WDPCP: variants seen among roughly 807,000 people sequenced by gnomAD.
The protein encoded by WDPCP is WD repeat containing planar cell polarity effector, also known as WD repeat-containing and planar cell polarity effector protein fritz homolog.
Under a neutral mutation model 93.1 loss-of-function variants are expected in WDPCP, and 71 were observed. The observed-to-expected ratio is 0.76, with a 90% CI of 0.63 to 0.93. WDPCP has a LOEUF of 0.93. WDPCP is among the 40% of genes least tolerant of loss of function. The probability of loss-of-function intolerance (pLI) is 0.00; values close to 1 mark genes in which losing one functional copy is unlikely to be tolerated. For synonymous variants in WDPCP, 315 were observed against 315.0 expected (o/e 1.00, Z 0.00); for missense variants, 844 against 887.4 (o/e 0.95, Z 0.62).
chr2:63,674,500 G>C (rs1406260918), intron 2 of WDPCP, among the ~76,000 whole-genome samples: 1 of 152,172 alleles, frequency 6.6e-6, no homozygotes, highest in African/African-American at 2.4e-5. Context: ...AAAATAGTCA[G>C]ACTCATAAGA....
chr2:63,511,953 G>A (rs1354963619), intron 1 of WDPCP, among the ~76,000 whole-genome samples: 2 of 152,160 alleles, frequency 1.3e-5, no homozygotes, highest in African/African-American at 4.8e-5. Flanking sequence ...TCATCAGAGT[G>A]AACAGGCAAC....
At chr2:63,745,649 C>G (rs1669783806) in intron 2 of WDPCP, among the ~76,000 whole-genome samples, 1 of 151,704 alleles carries the variant, frequency 6.6e-6, no homozygotes, top group South Asian at 2.1e-4. Flanking sequence ...CACTTACACA[C>G]ACACACACAC....
intron 2 of WDPCP, among the ~76,000 whole-genome samples, chr2:63,800,793 C>T (rs1670683194): frequency 6.6e-6 from 1 of 152,206 alleles, no homozygotes; most frequent in Admixed American, 6.5e-5. Context: ...TGGCTCACGC[C>T]TGTAATCCAA....
the WDPCP span, among the ~76,000 whole-genome samples, chr2:63,833,585 A>G: frequency 6.6e-6 from 1 of 152,206 alleles, no homozygotes; most frequent in East Asian, 1.9e-4. Flanking sequence ...CAGTGTTTAC[A>G]GTTTCAGAGA....
chr2:63,210,878 C>A (rs763193356), intron 14 of WDPCP, among the ~76,000 whole-genome samples: 1 of 152,314 alleles, frequency 6.6e-6, no homozygotes, highest in South Asian at 2.1e-4. Flanking sequence ...AGTCTGAGAT[C>A]AAACTGCAAG....
chr2:63,206,488 AC>A (rs1676341500), intron 14 of WDPCP, among the ~76,000 whole-genome samples: 1 of 151,708 alleles, frequency 6.6e-6, no homozygotes, highest in Non-Finnish European at 1.5e-5. Context: ...ACACAGTCTC[AC>A]TCTGTCATCC....
intron 12 of WDPCP, among the ~76,000 whole-genome samples, chr2:63,314,075 C>T (rs1686435045): frequency 6.6e-6 from 1 of 150,454 alleles, no homozygotes; most frequent in Non-Finnish European, 1.5e-5. Context: ...GATGGTGATT[C>T]ACCATATTGG....
At chr2:63,811,465 T>C (rs1205983451) in intron 2 of WDPCP, among the ~76,000 whole-genome samples, 2 of 152,082 alleles carry the variant, frequency 1.3e-5, no homozygotes, top group East Asian at 3.9e-4. Flanking sequence ...CTCCAGCCAA[T>C]AGCCAGAAAG....
chr2:63,125,235 G>A (rs1325294178), intron 17 of WDPCP, among the ~76,000 whole-genome samples: 1 of 152,150 alleles, frequency 6.6e-6, no homozygotes, highest in African/African-American at 2.4e-5. Flanking sequence ...TGGTACATAC[G>A]AGAGACAAGT....
intron 14 of WDPCP, among the ~76,000 whole-genome samples, chr2:63,212,102 T>C (rs1319352332): frequency 6.6e-6 from 1 of 152,030 alleles, no homozygotes; most frequent in Admixed American, 6.6e-5. Flanking sequence ...ACATTCAAAT[T>C]AAGGAAATAC....
chr2:63,420,702 C>T (rs1303750215), intron 9 of WDPCP, among the ~76,000 whole-genome samples: 1 of 152,088 alleles, frequency 6.6e-6, no homozygotes, highest in African/African-American at 2.4e-5. Context: ...ATAGCATTAT[C>T]CTGAATGTTT....
intron 2 of WDPCP, among the ~76,000 whole-genome samples, chr2:63,775,319 G>A (rs1475874431): frequency 6.6e-6 from 1 of 152,146 alleles, no homozygotes; most frequent in Non-Finnish European, 1.5e-5. Flanking sequence ...GGCTTTTATT[G>A]AATTGCACCT....
At chr2:63,479,024 CAA>C (rs796235188) in intron 6 of WDPCP, among the ~76,000 whole-genome samples, 10 of 141,242 alleles carry the variant, frequency 7.1e-5, no homozygotes, top group African/African-American at 1.6e-4. Context: ...CACAGAAATA[CAA>C]AAAAAAAAAA....
chr2:63,366,433 G>C (rs1296850188), intron 12 of WDPCP, among the ~76,000 whole-genome samples: 1 of 152,054 alleles, frequency 6.6e-6, no homozygotes, highest in Non-Finnish European at 1.5e-5. Flanking sequence ...GAGAAATGCT[G>C]TTCTAAAGAT....
intron 14 of WDPCP, among the ~76,000 whole-genome samples, chr2:63,238,628 T>C (rs1679606865): frequency 6.6e-6 from 1 of 152,274 alleles, no homozygotes; most frequent in Admixed American, 6.5e-5. Context: ...TTGGACATCA[T>C]TGCTACACAG....
chr2:63,245,305 C>T (rs1394852607), intron 14 of WDPCP, among the ~76,000 whole-genome samples: 2 of 152,130 alleles, frequency 1.3e-5, no homozygotes, highest in African/African-American at 4.8e-5. Context: ...GTATTCTCTG[C>T]TCTTTGTAAA....
intron 3 of WDPCP, chr2:63,604,828 G>C (rs1709497033): frequency 1.2e-6 from 2 of 1,614,212 alleles, no homozygotes; most frequent in African/African-American, 1.3e-5. Context: ...TGGTGTTTAT[G>C]AAGCTCTGAA....
intron 11 of WDPCP, among the ~76,000 whole-genome samples, chr2:63,379,800 TAGA>T (rs1472094969): frequency 5.3e-5 from 8 of 152,106 alleles, no homozygotes; most frequent in Non-Finnish European, 1.2e-4. Context: ...TAGATTCAGA[TAGA>T]ATAAGTCTCA....
chr2:63,607,712 C>A lies in WDPCP; in HGVS notation n.488+42947G>T, dbSNP rs1425767373. Among the ~76,000 whole-genome samples the A allele has an allele frequency of 4.0e-5, 6 of 151,634 alleles. No individual in the cohort carries two copies. The East Asian group carries it at 1.2e-3, about 29-fold the overall frequency. ...AGGCGTGGTGGCGGGCACCTGTAGT[C>A]CCAGCTACTCGGGAGGCTGAGGCAG... On this transcript the variant is annotated intron_variant and non_coding_transcript_variant, in intron 3 of 4. Transcript: ENST00000467687.
Sources: allele counts gnomAD v4.1 joint callset (sites outside exome capture counted in the v4.1 genomes callset), GRCh38; gene constraint gnomAD v4.1.1; transcripts MANE v1.5; gene names NCBI Gene and HGNC (gene_info 2026-07-23, HGNC 2026-07-21).